Variants in CCDC171 observed in about 807,000 individuals in gnomAD.
The protein encoded by CCDC171 is coiled-coil domain containing 171.
Under a neutral mutation model 168.2 loss-of-function variants are expected in CCDC171, and 177 were observed. That is an observed-to-expected ratio of 1.05 (90% CI 0.93 to 1.19). The LOEUF (loss-of-function observed/expected upper bound fraction) is 1.19, where lower values mean the gene tolerates loss of function less well. CCDC171 is among the 50% of genes most tolerant of loss of function. CCDC171 has a pLI of 0.00. For missense variants in CCDC171, 1,991 were observed against 1,539.0 expected, an observed-to-expected ratio of 1.29 and a Z score of -4.91; for synonymous variants, 687 against 540.8, an observed-to-expected ratio of 1.27 and a Z score of -3.75.
chr9:16,040,672 G>A (rs1833558265), upstream of CCDC171, among the ~76,000 whole-genome samples: 1 of 152,204 alleles, frequency 6.6e-6, no homozygotes, highest in Non-Finnish European at 1.5e-5. Context: ...AGCAGCTATA[G>A]GGAATGCCTT....
At chr9:15,981,236 A>G in intron 3 of CCDC171, among the ~76,000 whole-genome samples, 1 of 152,178 alleles carries the variant, frequency 6.6e-6, no homozygotes, top group East Asian at 1.9e-4. Flanking sequence ...ACTTCAGATT[A>G]GAAGAGGTCA....
At chr9:15,602,761 G>A (rs1012258519) in intron 6 of CCDC171, among the ~76,000 whole-genome samples, 5 of 147,720 alleles carry the variant, frequency 3.4e-5, no homozygotes, top group African/African-American at 1.2e-4. Context: ...GGGTTTAAGC[G>A]ATTCTCCTGC....
chr9:15,693,233 C>G (rs747573749), intron 10 of CCDC171, among the ~76,000 whole-genome samples: 6 of 152,148 alleles, frequency 3.9e-5, no homozygotes, highest in Admixed American at 6.5e-5. Flanking sequence ...TGCACACACA[C>G]ACTTCACACA....
At position 15,591,045 on chromosome 9, in the gene CCDC171, A is replaced by G. The variant is rs114736259; in HGVS notation, c.353-321A>G. 8.1e-4 allele frequency among the ~76,000 whole-genome samples: 123 copies of G among 152,066 alleles called. 1 individual carries two copies. The highest frequency in any genetic ancestry group is 2.5e-3 in the African/African-American group (104 of 41,492). On this transcript the variant is annotated intron_variant, in intron 4 of 25. Transcript: ENST00000380701. ...GTTTTCTTGAATAGGACAAAAACCA[A>G]TAGAGTTGCAGCTGGTGCTAGAAGT...
At chr9:15,900,595 C>CT (rs550780785) in intron 24 of CCDC171, among the ~76,000 whole-genome samples, 230 of 152,194 alleles carry the variant, frequency 1.5e-3, no homozygotes, top group Non-Finnish European at 1.8e-3. Context: ...TGTTCTAAGC[C>CT]TTTAAGTTTC....
At chr9:16,084,887 C>G in the CCDC171 span, among the ~76,000 whole-genome samples, 1 of 152,188 alleles carries the variant, frequency 6.6e-6, no homozygotes, top group Admixed American at 6.5e-5. Context: ...GTCCAGGGTT[C>G]CAATCCAAAC....
chr9:15,731,539 C>T (rs1233271475), intron 16 of CCDC171, among the ~76,000 whole-genome samples: 2 of 152,062 alleles, frequency 1.3e-5, no homozygotes, highest in Non-Finnish European at 2.9e-5. Flanking sequence ...ATCAGTACTT[C>T]ATTCTTCTTT....
chr9:15,665,605 G>A (rs1363421993), intron 8 of CCDC171, among the ~76,000 whole-genome samples: 8 of 151,942 alleles, frequency 5.3e-5, no homozygotes, highest in Non-Finnish European at 4.4e-5. Flanking sequence ...AGATAGCAAG[G>A]CCCTATCTCT....
chr9:15,758,708 G>A (rs1022791729), intron 18 of CCDC171, among the ~76,000 whole-genome samples: 5 of 152,188 alleles, frequency 3.3e-5, no homozygotes, highest in African/African-American at 1.2e-4. Context: ...GAGGGACCCA[G>A]TGGGAGATAA....
intron 3 of CCDC171, among the ~76,000 whole-genome samples, chr9:15,983,505 T>TGA (rs1251673426): frequency 3.1e-4 from 45 of 144,092 alleles, no homozygotes; most frequent in African/African-American, 1.1e-3. Flanking sequence ...TGTGTGTGTG[T>TGA]GTGTGTGAGA....
intron 21 of CCDC171, among the ~76,000 whole-genome samples, chr9:15,821,981 C>T (rs563017912): frequency 1.3e-5 from 2 of 152,228 alleles, no homozygotes; most frequent in South Asian, 2.1e-4. Flanking sequence ...ATTACCAAAA[C>T]AGAGATATAG....
chr9:15,613,485 A>G (rs1255696676), intron 6 of CCDC171, among the ~76,000 whole-genome samples: 1 of 148,140 alleles, frequency 6.8e-6, no homozygotes, highest in Non-Finnish European at 1.5e-5. Flanking sequence ...AAAGCTTAAT[A>G]AAAACAAATG....
chr9:15,628,501 T>G (rs2045368922), intron 7 of CCDC171, among the ~76,000 whole-genome samples: 1 of 152,204 alleles, frequency 6.6e-6, no homozygotes, highest in Non-Finnish European at 1.5e-5. Context: ...TGCCCAGGCT[T>G]GCTTAGGTAA....
intron 23 of CCDC171, among the ~76,000 whole-genome samples, chr9:15,859,764 A>G (rs1458301758): frequency 6.6e-6 from 1 of 151,594 alleles, no homozygotes; most frequent in Non-Finnish European, 1.5e-5. Context: ...GGCTCAAGAG[A>G]TCCTCCTACC....
chr9:15,892,616 G>T (rs573537279), intron 24 of CCDC171, among the ~76,000 whole-genome samples: 1 of 151,784 alleles, frequency 6.6e-6, no homozygotes, highest in East Asian at 1.9e-4. Context: ...GTACAAAATC[G>T]GTGTGCAAAA....
At chr9:15,627,252 C>A (rs1415831845) in intron 7 of CCDC171, among the ~76,000 whole-genome samples, 1 of 151,946 alleles carries the variant, frequency 6.6e-6, no homozygotes, top group Non-Finnish European at 1.5e-5. Flanking sequence ...TTTTGTTGAT[C>A]TTTTCAAAAA....
At chr9:16,102,488 T>TGGGGGGGGG in the CCDC171 span, among the ~76,000 whole-genome samples, 4 of 50,078 alleles carry the variant, frequency 8.0e-5, no homozygotes, top group African/African-American at 1.1e-4. Flanking sequence ...AAACGTGTGT[T>TGGGGGGGGG]GGGGGGGGGC....
intron 18 of CCDC171, among the ~76,000 whole-genome samples, chr9:15,761,174 G>A (rs771113968): frequency 5.3e-5 from 8 of 152,062 alleles, no homozygotes; most frequent in African/African-American, 1.4e-4. Flanking sequence ...GTGTAATTAC[G>A]TCTTAATTGT....
intron 12 of CCDC171, 29 bp from the exon 13 acceptor site, chr9:15,723,652 A>G (rs760251681): frequency 3.2e-6 from 5 of 1,550,788 alleles, no homozygotes; most frequent in Admixed American, 1.9e-5. Context: ...ATTTTCTTTC[A>G]TCAGCTAAAC....
Sources: gnomAD v4.1 joint callset for allele counts (sites outside exome capture counted in the v4.1 genomes callset) on GRCh38, gnomAD v4.1.1 for gene constraint, MANE v1.5 for transcripts, NCBI Gene and HGNC (gene_info 2026-07-23, HGNC 2026-07-21) for gene names.